Variants in ROBO1 observed in about 807,000 individuals in gnomAD.
ROBO1 encodes the protein roundabout guidance receptor 1, also known as roundabout homolog 1.
In ROBO1, 149 loss-of-function variants were observed where a neutral mutation model predicts 195.9. That is an observed-to-expected ratio of 0.76 (90% CI 0.67 to 0.87). ROBO1 has a LOEUF of 0.87. ROBO1 is among the 40% of genes least tolerant of loss of function. The probability of loss-of-function intolerance (pLI) is 0.00; values close to 1 mark genes in which losing one functional copy is unlikely to be tolerated. For synonymous variants in ROBO1, 816 were observed against 733.2 expected (o/e 1.11, Z -1.82); for missense variants, 1,933 against 2,068.3 (o/e 0.93, Z 1.27).
At chr3:78,712,100 C>T (rs1262020341) in intron 8 of ROBO1, among the ~76,000 whole-genome samples, 2 of 140,974 alleles carry the variant, frequency 1.4e-5, no homozygotes, top group Admixed American at 1.4e-4. Flanking sequence ...TACATCTGTG[C>T]TGGGGGTGAA....
intron 2 of ROBO1, among the ~76,000 whole-genome samples, chr3:79,495,282 G>A (rs763202517): frequency 1.1e-4 from 17 of 152,110 alleles, no homozygotes; most frequent in Non-Finnish European, 2.1e-4. Flanking sequence ...CACATAAAGA[G>A]GGGCGAACAA....
chr3:78,608,451 A>G (rs1703596985), intron 28 of ROBO1, among the ~76,000 whole-genome samples: 1 of 152,240 alleles, frequency 6.6e-6, no homozygotes, highest in African/African-American at 2.4e-5. Flanking sequence ...GAATGAAAGT[A>G]GTCATAAAAT....
intron 2 of ROBO1, among the ~76,000 whole-genome samples, chr3:79,334,531 A>T (rs2034587753): frequency 6.6e-6 from 1 of 151,752 alleles, no homozygotes; most frequent in African/African-American, 2.4e-5. Flanking sequence ...TAGATGTTCG[A>T]TAAACTTGTG....
chr3:78,709,040 T>C (rs927333371), intron 8 of ROBO1, among the ~76,000 whole-genome samples: 3 of 152,198 alleles, frequency 2.0e-5, no homozygotes, highest in Non-Finnish European at 4.4e-5. Flanking sequence ...GTAGATATTA[T>C]ACACATGGAG....
At chr3:79,237,534 A>G (rs1330708190) in intron 2 of ROBO1, among the ~76,000 whole-genome samples, 1 of 152,126 alleles carries the variant, frequency 6.6e-6, no homozygotes, top group Non-Finnish European at 1.5e-5. Context: ...ATCTTTGAGA[A>G]AACAGAAGCA....
chr3:79,417,602 CTCT>C (rs2038058933), intron 2 of ROBO1, among the ~76,000 whole-genome samples: 1 of 152,160 alleles, frequency 6.6e-6, no homozygotes, highest in Admixed American at 6.6e-5. Context: ...ACTACTTACT[CTCT>C]TTTCATCCCA....
At chr3:79,124,127 G>A (rs1448953791) in intron 3 of ROBO1, among the ~76,000 whole-genome samples, 2 of 152,008 alleles carry the variant, frequency 1.3e-5, no homozygotes, top group African/African-American at 4.8e-5. Context: ...CTTTGGTATT[G>A]ACGGTATTAA....
intron 2 of ROBO1, among the ~76,000 whole-genome samples, chr3:79,248,449 T>C (rs2082665271): frequency 1.5e-5 from 2 of 134,378 alleles, no homozygotes; most frequent in East Asian, 2.1e-4. Context: ...GTTAAGAACA[T>C]GGGAAGAAAA....
intron 2 of ROBO1, among the ~76,000 whole-genome samples, chr3:79,224,123 A>G (rs1405865596): frequency 6.6e-6 from 1 of 152,198 alleles, no homozygotes; most frequent in East Asian, 1.9e-4. Flanking sequence ...ATTAGACACC[A>G]TGATAATCAG....
intron 4 of ROBO1, among the ~76,000 whole-genome samples, chr3:78,863,965 C>A (rs1394310356): frequency 2.6e-5 from 4 of 152,196 alleles, no homozygotes; most frequent in Non-Finnish European, 4.4e-5. Flanking sequence ...ATTGTTACAG[C>A]AACCTGTTGC....
chr3:78,881,114 T>C (rs907302462), intron 4 of ROBO1, among the ~76,000 whole-genome samples: 2 of 152,180 alleles, frequency 1.3e-5, no homozygotes, highest in Non-Finnish European at 2.9e-5. Context: ...TGGTTGCCAG[T>C]AGAGGCTCAA....
At chr3:78,728,024 A>G (rs2082204491) in intron 5 of ROBO1, among the ~76,000 whole-genome samples, 3 of 152,206 alleles carry the variant, frequency 2.0e-5, no homozygotes, top group Admixed American at 2.0e-4. Context: ...GATTAAATAA[A>G]CAATAAACCT....
intron 2 of ROBO1, among the ~76,000 whole-genome samples, chr3:79,361,409 A>T (rs1201328374): frequency 2.0e-5 from 3 of 152,042 alleles, no homozygotes; most frequent in Admixed American, 1.3e-4. Flanking sequence ...GCAAATAAAT[A>T]TTGTCACTGA....
intron 3 of ROBO1, among the ~76,000 whole-genome samples, chr3:79,070,389 T>C (rs1042526138): frequency 2.0e-5 from 3 of 151,934 alleles, no homozygotes; most frequent in Admixed American, 6.6e-5. Context: ...TGCAAATCTA[T>C]GTAAGTGGAA....
At chr3:78,920,641 TTTTTTTTTTTTG>T in intron 4 of ROBO1, among the ~76,000 whole-genome samples, 1 of 139,098 alleles carries the variant, frequency 7.2e-6, no homozygotes, top group South Asian at 2.4e-4. Context: ...TTTTTTTTTT[TTTTTTTTTTTTG>T]ACAGAAGGTT....
chr3:79,214,999 G>T (rs1279284102), intron 2 of ROBO1, among the ~76,000 whole-genome samples: 1 of 151,816 alleles, frequency 6.6e-6, no homozygotes, highest in East Asian at 2.0e-4. Flanking sequence ...GTTAGAAGAC[G>T]GTGATAACAT....
chr3:78,695,079 T>A (rs527855777), intron 8 of ROBO1, among the ~76,000 whole-genome samples: 76 of 139,908 alleles, frequency 5.4e-4, no homozygotes, highest in Middle Eastern at 8.1e-3. Context: ...AGTAGAATTC[T>A]TTTATTAATT....
chr3:78,938,798 C>T lies in ROBO1; in HGVS notation c.302G>A (p.Trp101Ter), dbSNP rs2039964358. 6.2e-7 allele frequency: 1 copy of T among 1,613,824 alleles called. No individual in the cohort carries two copies. Among genetic ancestry groups the T allele is most frequent in the African/African-American group, 1.3e-5 (1 of 74,886 alleles). ...CTCCACTCTCTCTCCCCCTTTGTAC[C>T]ATTCAATAGTGGGTGTGGGGCGGCC... ...AEGRPTPTIEWYKGGERVETD... is the reference protein window; with the variant it reads ...AEGRPTPTIE The change falls in exon 4 of 31, where the codon TGG becomes TAG. Residue 101 changes from tryptophan to a stop codon, truncating the protein, a stop_gained. Coordinates refer to ENST00000464233, the MANE Select transcript of ROBO1 (RefSeq NM_002941.4). LOFTEE classifies it high-confidence loss of function.
intron 2 of ROBO1, among the ~76,000 whole-genome samples, chr3:79,367,404 A>G (rs920344758): frequency 1.3e-5 from 2 of 152,234 alleles, no homozygotes; most frequent in Non-Finnish European, 2.9e-5. Context: ...CTTATCACCA[A>G]TAATATAAAG....
Sources: gnomAD v4.1 joint callset for allele counts (sites outside exome capture counted in the v4.1 genomes callset) on GRCh38, gnomAD v4.1.1 for gene constraint, MANE v1.5 for transcripts, NCBI Gene and HGNC (gene_info 2026-07-23, HGNC 2026-07-21) for gene names.